Variants in ACOT7 observed in about 807,000 individuals in gnomAD.
The protein encoded by ACOT7 is cytosolic acyl coenzyme A thioester hydrolase.
In ACOT7, 12 loss-of-function variants were observed where a neutral mutation model predicts 40.2. The observed-to-expected ratio is 0.30, with a 90% CI of 0.19 to 0.48. ACOT7 has a LOEUF of 0.48. Among genes scored for constraint, ACOT7 ranks in the 20% least tolerant of loss-of-function variants. The pLI, the probability that ACOT7 is intolerant of heterozygous loss-of-function variation, is 0.99. For missense variants in ACOT7, 395 were observed against 530.8 expected (o/e 0.74, Z 2.51); for synonymous variants, 228 against 219.5 (o/e 1.04, Z -0.34).
At chr1:6,295,872 C>A (rs11121602) in intron 6 of ACOT7, among the ~76,000 whole-genome samples, 52,178 of 150,334 alleles carry the variant, frequency 0.35, 13,500 homozygotes, top group African/African-American at 0.74. Flanking sequence ...CAACTCTGTG[C>A]AAATACAAAA....
intron 6 of ACOT7, among the ~76,000 whole-genome samples, chr1:6,305,325 G>A (rs549742213): frequency 4.8e-5 from 7 of 145,206 alleles, no homozygotes; most frequent in South Asian, 4.4e-4. Context: ...AGGGGCGGCC[G>A]GGCAGAGGCG....
intron 1 of ACOT7, among the ~76,000 whole-genome samples, chr1:6,371,529 A>T: frequency 1.3e-5 from 2 of 151,702 alleles, no homozygotes; most frequent in Admixed American, 6.6e-5. Context: ...CACTCAGCTA[A>T]TTTTTGTATT....
chr1:6,310,272 C>A (rs1312709344), intron 6 of ACOT7, among the ~76,000 whole-genome samples: 2 of 152,216 alleles, frequency 1.3e-5, no homozygotes, highest in Non-Finnish European at 2.9e-5. Flanking sequence ...CAGGGGCACA[C>A]CCACACTCAG....
rs901987892 is a variant in ACOT7 at position 6,278,238 on chromosome 1, C to T, written c.1014+2864G>A. Among the ~76,000 whole-genome samples, 6 of 152,070 alleles carry T rather than the reference C, an allele frequency of 3.9e-5. No individual in the cohort carries two copies. The highest frequency in any genetic ancestry group is 6.5e-5 in the Admixed American group (1 of 15,268). On this transcript the variant is annotated intron_variant, in intron 8 of 8. Transcript: ENST00000361521. This position sits in a 1 kb window ranked among gnomAD's most constrained non-coding sequence, Gnocchi z 4.1. ...ATGGGAGCAGCAGGTGCACAGGCGC[C>T]GGGCAGGAGTGAGCTTGCTGCACCC...
chr1:6,296,425 T>C (rs1398228982), intron 6 of ACOT7, among the ~76,000 whole-genome samples: 1 of 147,864 alleles, frequency 6.8e-6, no homozygotes, highest in Non-Finnish European at 1.5e-5. Context: ...TTTCAATTTT[T>C]AATTTTTTTT....
Position 6,358,059 on chromosome 1 carries a change from G to A in ACOT7, c.144-8193C>T, listed in dbSNP as rs1309407278. 6.6e-6 allele frequency among the ~76,000 whole-genome samples: 1 copy of A among 151,984 alleles called. No homozygotes were observed. The highest frequency in any genetic ancestry group is 1.5e-5 in the Non-Finnish European group (1 of 68,008). The stretch of plus-strand genomic sequence containing the variant: ...TTTTTGTATTTTTTAGTAGAGACGG[G>A]GGTTTCACCATGTTGGCCAGGCTGG... On this transcript the variant is annotated intron_variant, in intron 1 of 8. Transcript: ENST00000361521. This position sits in a 1 kb window ranked among gnomAD's most constrained non-coding sequence, Gnocchi z 4.1.
At chr1:6,356,342 A>G (rs1036777784) in intron 1 of ACOT7, among the ~76,000 whole-genome samples, 5 of 152,034 alleles carry the variant, frequency 3.3e-5, no homozygotes, top group African/African-American at 9.7e-5. Context: ...CTCCCAAAGA[A>G]AGCAGCACTG....
intron 6 of ACOT7, among the ~76,000 whole-genome samples, chr1:6,305,302 C>T: frequency 7.8e-6 from 1 of 128,238 alleles, no homozygotes; most frequent in Non-Finnish European, 1.8e-5. Context: ...AGAGGGGCTC[C>T]TCACTTCCCA....
intron 2 of ACOT7, among the ~76,000 whole-genome samples, chr1:6,341,752 ATT>A (rs55838444): frequency 0.011 from 1,710 of 150,716 alleles, 41 homozygotes; most frequent in African/African-American, 0.04. Flanking sequence ...AAAAAAAAAA[ATT>A]TTTTTCAATG....
In ACOT7 at chr1:6,393,313, T is replaced by C; in HGVS notation, c.87A>G (p.Ala29=). Reference sequence around the variant, plus strand: ...CGTCTGGGCCCGACATGCTGGGGGCTGCGGCGGCGGATGCGGCGGGCGGCT... The same window carrying C: ...CGTCTGGGCCCGACATGCTGGGGGCCGCGGCGGCGGATGCGGCGGGCGGCT... ...LLQPPAASAA[A]APSMSGPDVE... The change falls in exon 1 of 9, where the codon GCA becomes GCG. Residue 29 remains alanine (A), a synonymous_variant. Transcript: ENST00000361521. 1 of 1,280,328 alleles carries C rather than the reference T, an allele frequency of 7.8e-7. No individual in the cohort carries two copies. The highest frequency in any genetic ancestry group is 3.4e-5 in the South Asian group (1 of 29,730). 79.3% of individuals were successfully genotyped at this position (1,280,328 alleles called of 1,614,324 possible). A position where few individuals can be genotyped will look rare whatever the true frequency, so the allele number is the denominator to read the frequency against.
At chr1:6,390,233 G>A (rs1642511644) in intron 1 of ACOT7, among the ~76,000 whole-genome samples, 1 of 152,190 alleles carries the variant, frequency 6.6e-6, no homozygotes, top group African/African-American at 2.4e-5. Flanking sequence ...GGGCAGCCAA[G>A]CATCCTCCTC....
chr1:6,341,548 C>T (rs1641277654), intron 2 of ACOT7, among the ~76,000 whole-genome samples: 1 of 152,156 alleles, frequency 6.6e-6, no homozygotes, highest in East Asian at 1.9e-4. Context: ...CGAGACCATC[C>T]TGGCTAACAT....
At chr1:6,362,479 C>T (rs1209446856) in intron 1 of ACOT7, among the ~76,000 whole-genome samples, 1 of 151,976 alleles carries the variant, frequency 6.6e-6, no homozygotes, top group Non-Finnish European at 1.5e-5. Context: ...CACCTCTTCC[C>T]CCATCCCTCC....
At position 6,368,078 on chromosome 1, in the gene ACOT7, G is replaced by A. The variant is rs1406461064; in HGVS notation, c.144-18212C>T. ...AGAGTGGAGGAAGTGTGTGTTGACTGGTCCATGGGTGGGCCAGCAAAAAGC... is the reference window on the plus strand; with the variant it reads ...AGAGTGGAGGAAGTGTGTGTTGACTAGTCCATGGGTGGGCCAGCAAAAAGC... On this transcript the variant is annotated intron_variant, in intron 1 of 8. Coordinates refer to ENST00000361521, the MANE Select transcript of ACOT7 (RefSeq NM_007274.4). Among the ~76,000 whole-genome samples, 3 of 152,102 alleles carry A rather than the reference G, an allele frequency of 2.0e-5. No homozygotes were observed. The South Asian group carries it at 6.2e-4, about 32-fold the overall frequency.
intron 6 of ACOT7, among the ~76,000 whole-genome samples, chr1:6,304,492 T>C (rs1460717893): frequency 7.3e-6 from 1 of 137,312 alleles, no homozygotes; most frequent in East Asian, 2.1e-4. Flanking sequence ...GGTCAGCAGA[T>C]AAACAAGTGA....
chr1:6,292,276 G>A (rs367928689), intron 7 of ACOT7, among the ~76,000 whole-genome samples: 18 of 152,380 alleles, frequency 1.2e-4, no homozygotes, highest in East Asian at 9.6e-4. Context: ...GGCCACAGCC[G>A]AGACGAGGTG....
intron 8 of ACOT7, among the ~76,000 whole-genome samples, chr1:6,269,895 C>G (rs3789514): frequency 2.6e-5 from 4 of 152,236 alleles, no homozygotes; most frequent in African/African-American, 7.2e-5. Flanking sequence ...TCCCAAGGTG[C>G]GGGCGGCCTT....
rs1639895466 is a variant in ACOT7, at chr1:6,299,155, T to TG, written c.713-4176dup. On this transcript the variant is annotated intron_variant, in intron 6 of 8. Coordinates refer to ENST00000361521, the MANE Select transcript of ACOT7 (RefSeq NM_007274.4). The surrounding 1 kb of genome is among the most constrained non-coding windows in gnomAD (Gnocchi z 4.1). ...CCTTGGGCAGGCAGGTTGCCCTCCC[T>TG]GAGCCGTGGGCTCAGTGTCTGTCAG... 6.6e-6 allele frequency among the ~76,000 whole-genome samples: 1 copy of TG among 152,224 alleles called. No homozygotes were observed. The highest frequency in any genetic ancestry group is 2.4e-5 in the African/African-American group (1 of 41,466).
At chr1:6,361,778 C>T (rs1641899009) in intron 1 of ACOT7, among the ~76,000 whole-genome samples, 1 of 152,142 alleles carries the variant, frequency 6.6e-6, no homozygotes, top group African/African-American at 2.4e-5. Flanking sequence ...GCATTCCAGC[C>T]TGGGCAACAG....
Sources: gnomAD v4.1 joint callset for allele counts (sites outside exome capture counted in the v4.1 genomes callset) on GRCh38, gnomAD v4.1.1 for gene constraint, Gnocchi (gnomAD v3.1) non-coding constraint, MANE v1.5 for transcripts, NCBI Gene and HGNC (gene_info 2026-07-23, HGNC 2026-07-21) for gene names.